Variants in C10orf67 observed in about 807,000 individuals in gnomAD.
C10orf67 encodes the protein chromosome 10 open reading frame 67.
In C10orf67, 60 loss-of-function variants were observed where a neutral mutation model predicts 35.6. The observed-to-expected ratio is 1.68, with a 90% CI of 1.37 to 2.09. C10orf67 has a LOEUF of 2.09. Among genes scored for constraint, C10orf67 ranks in the 30% most tolerant of loss-of-function variants. The pLI, the probability that C10orf67 is intolerant of heterozygous loss-of-function variation, is 0.00. For synonymous variants in C10orf67, 167 were observed against 115.8 expected, an observed-to-expected ratio of 1.44 and a Z score of -2.84; for missense variants, 474 against 330.2, an observed-to-expected ratio of 1.44 and a Z score of -3.38.
chr10:23,318,873 T>C, intron 4 of C10orf67: 2 of 776,906 alleles, frequency 2.6e-6, no homozygotes, highest in Non-Finnish European at 4.8e-6. Context: ...TCCACCTTGC[T>C]ACCTTCAGCA....
In C10orf67 at chr10:23,322,440, G is replaced by T. The variant is rs761110479; in HGVS notation, c.425C>A (p.Thr142Asn). The T allele has an allele frequency of 1.2e-6, 2 of 1,609,760 alleles. No homozygotes were observed. The highest frequency in any genetic ancestry group is 1.7e-5 in the Admixed American group (1 of 60,008). Residue 142 changes from threonine (T) to asparagine (N), a missense_variant, in exon 3 of 16, where the codon ACC becomes AAC. By Grantham distance (65) the Thr-to-Asn change is moderately conservative. Coordinates refer to ENST00000636213, the MANE Select transcript of C10orf67 (RefSeq NM_001371909.1). Reference sequence around the variant, plus strand: ...TTCTAGGATCCTGTCATGCAGAATGGTGAAGAGACTCAAAGATTCCTCTTT... The same window carrying T: ...TTCTAGGATCCTGTCATGCAGAATGTTGAAGAGACTCAAAGATTCCTCTTT... ...RLKEESLSLF[T>N]ILHDRILEIE...
At chr10:23,298,585 A>G (rs1266548419) in intron 5 of C10orf67, among the ~76,000 whole-genome samples, 2 of 152,332 alleles carry the variant, frequency 1.3e-5, no homozygotes, top group Admixed American at 6.5e-5. Context: ...CTGGGAATCC[A>G]TATTCGGCAG....
chr10:23,207,740 T>C (rs1432269903), intron 15 of C10orf67, among the ~76,000 whole-genome samples: 1 of 152,228 alleles, frequency 6.6e-6, no homozygotes, highest in Non-Finnish European at 1.5e-5. Flanking sequence ...AATTCCCTCC[T>C]GCATTTTGAA....
chr10:23,219,915 G>A (rs766410201), intron 15 of C10orf67, among the ~76,000 whole-genome samples: 83 of 152,092 alleles, frequency 5.5e-4, no homozygotes, highest in Non-Finnish European at 9.0e-4. Context: ...GTCTGTAATC[G>A]CTAGCACTTT....
chr10:23,239,905 A>T, intron 12 of C10orf67, 89 bp from the exon 13 acceptor site: 1 of 463,394 alleles, frequency 2.2e-6, no homozygotes, highest in Non-Finnish European at 4.0e-6. Flanking sequence ...AGGAAACTAC[A>T]TTAAAATTTT....
At chr10:23,247,414 C>T (rs981766584) in intron 12 of C10orf67, among the ~76,000 whole-genome samples, 5 of 152,190 alleles carry the variant, frequency 3.3e-5, no homozygotes, top group Non-Finnish European at 5.9e-5. Flanking sequence ...TAGTCTCATG[C>T]TGTGCAGGTT....
chr10:23,323,915 ATATAT>A lies in C10orf67; in HGVS notation c.328-1383_328-1379del, dbSNP rs1357163243. On this transcript the variant is annotated intron_variant, in intron 2 of 15. Transcript: ENST00000636213. Reference sequence around the variant, plus strand: ...TCTAAATATATATATATATATATATATATATATATATATATATATATATATATATA... The same window carrying A: ...TCTAAATATATATATATATATATATAATATATATATATATATATATATATA... Among the ~76,000 whole-genome samples the A allele has an allele frequency of 7.4e-4, 21 of 28,336 alleles. 1 individual carries two copies. The highest frequency in any genetic ancestry group is 4.8e-3 in the African/African-American group (20 of 4,154). 18.6% of individuals were successfully genotyped at this position (28,336 alleles called of 152,430 possible).
At chr10:23,323,044 A>C (rs1845019400) in intron 2 of C10orf67, among the ~76,000 whole-genome samples, 1 of 152,182 alleles carries the variant, frequency 6.6e-6, no homozygotes, top group Non-Finnish European at 1.5e-5. Context: ...CCAGGCTTTC[A>C]AAGTGACAAT....
Position 23,244,841 on chromosome 10 carries a change from A to C in C10orf67, c.1347-5025T>G, listed in dbSNP as rs185432729. On this transcript the variant is annotated intron_variant, in intron 12 of 15. Coordinates refer to ENST00000636213, the MANE Select transcript of C10orf67 (RefSeq NM_001371909.1). ...CAATGGCATTTTTCACAGAAGTAGG[A>C]AAAATAATCCTAAAATTTTATGGAA... Among the ~76,000 whole-genome samples, 25 of 152,350 alleles carry C rather than the reference A, an allele frequency of 1.6e-4. No individual in the cohort carries two copies. The East Asian group carries it at 4.2e-3, about 26-fold the overall frequency.
At chr10:23,329,271 C>G (rs1028071651) in intron 2 of C10orf67, among the ~76,000 whole-genome samples, 64 of 151,560 alleles carry the variant, frequency 4.2e-4, no homozygotes, top group African/African-American at 1.5e-3. Context: ...ACTACAGATA[C>G]AATACTTAAA....
At chr10:23,288,689 T>C (rs1843620679) in intron 7 of C10orf67, among the ~76,000 whole-genome samples, 1 of 152,146 alleles carries the variant, frequency 6.6e-6, no homozygotes. Flanking sequence ...CTTAGGCACA[T>C]GTGGTGGCTA....
At chr10:23,248,996 G>C (rs1022706444) in intron 12 of C10orf67, among the ~76,000 whole-genome samples, 3 of 151,510 alleles carry the variant, frequency 2.0e-5, no homozygotes, top group Non-Finnish European at 4.4e-5. Flanking sequence ...TAGGTGTGGT[G>C]GTGGGCGCCT....
intron 7 of C10orf67, among the ~76,000 whole-genome samples, chr10:23,284,579 T>A (rs1367888415): frequency 6.6e-6 from 1 of 151,574 alleles, no homozygotes; most frequent in African/African-American, 2.4e-5. Flanking sequence ...TAGTCCAACC[T>A]ACTCAGGAGA....
chr10:23,241,637 C>A (rs180830346), intron 12 of C10orf67, among the ~76,000 whole-genome samples: 12 of 152,032 alleles, frequency 7.9e-5, no homozygotes, highest in African/African-American at 2.9e-4. Flanking sequence ...AGTAATTATT[C>A]TAGATTATTT....
chr10:23,218,266 T>C (rs1022289237), intron 15 of C10orf67, among the ~76,000 whole-genome samples: 4 of 151,622 alleles, frequency 2.6e-5, no homozygotes, highest in African/African-American at 7.3e-5. Context: ...TCAGCTTCCC[T>C]AGTAGCTGGG....
At chr10:23,327,815 A>T (rs1214410073) in intron 2 of C10orf67, among the ~76,000 whole-genome samples, 1 of 149,846 alleles carries the variant, frequency 6.7e-6, no homozygotes, top group East Asian at 2.0e-4. Context: ...ACAGGGCAAG[A>T]CTCCATCTCG....
At chr10:23,233,269 T>C (rs1457706628) in intron 13 of C10orf67, among the ~76,000 whole-genome samples, 1 of 152,218 alleles carries the variant, frequency 6.6e-6, no homozygotes, top group Non-Finnish European at 1.5e-5. Context: ...ACTCATATCC[T>C]GATGACATCT....
chr10:23,340,245 G>A (rs1448698555), intron 1 of C10orf67, among the ~76,000 whole-genome samples: 1 of 151,646 alleles, frequency 6.6e-6, no homozygotes, highest in African/African-American at 2.4e-5. Flanking sequence ...TGGGTGTGGT[G>A]GCTCACACCA....
intron 10 of C10orf67, among the ~76,000 whole-genome samples, chr10:23,261,459 G>A (rs116304334): frequency 0.015 from 2,296 of 152,104 alleles, 56 homozygotes; most frequent in African/African-American, 0.053. Flanking sequence ...CCACAGACAC[G>A]CACTAACACA....
Sources: gnomAD v4.1 joint callset for allele counts (sites outside exome capture counted in the v4.1 genomes callset) on GRCh38, gnomAD v4.1.1 for gene constraint, MANE v1.5 for transcripts, NCBI Gene and HGNC (gene_info 2026-07-23, HGNC 2026-07-21) for gene names.